The following TFCP2L1 variants were observed in gnomAD, a reference collection of about 807,000 sequenced individuals.
The protein encoded by TFCP2L1 is transcription factor CP2-like protein 1.
Under a neutral mutation model 72.2 loss-of-function variants are expected in TFCP2L1, and 12 were observed. The ratio of observed to expected loss-of-function variants is 0.17; its 90% confidence interval spans 0.11 to 0.27. The LOEUF is 0.27. Among genes scored for constraint, TFCP2L1 ranks in the 10% least tolerant of loss-of-function variants. TFCP2L1 has a pLI of 1.00. For missense variants in TFCP2L1, 488 were observed against 624.6 expected, an observed-to-expected ratio of 0.78 and a Z score of 2.33; for synonymous variants, 260 against 251.0, an observed-to-expected ratio of 1.04 and a Z score of -0.34.
rs111304072 is a variant in TFCP2L1 at position 121,230,089 on chromosome 2, C to G, written c.1341+1737G>C. Among the ~76,000 whole-genome samples, 120 of 152,292 alleles carry G rather than the reference C, an allele frequency of 7.9e-4. 3 individuals carry two copies. The South Asian group carries it at 0.011, about 13-fold the overall frequency. Reference sequence around the variant, plus strand: ...GGCCTTCAGAATTCCCAGAAGGGCTCGGGGTCTGCTGGGGGCTGAACTGGG... The same window carrying G: ...GGCCTTCAGAATTCCCAGAAGGGCTGGGGGTCTGCTGGGGGCTGAACTGGG... On this transcript the variant is annotated intron_variant, in intron 13 of 14. Coordinates refer to ENST00000263707, the MANE Select transcript of TFCP2L1 (RefSeq NM_014553.3).
At chr2:121,241,221 C>G (rs1686360722) in intron 7 of TFCP2L1, among the ~76,000 whole-genome samples, 1 of 152,200 alleles carries the variant, frequency 6.6e-6, no homozygotes. Context: ...AGGTTAGGTG[C>G]AGTGGCTCAC....
chr2:121,249,882 T>C (rs558021020), intron 2 of TFCP2L1, among the ~76,000 whole-genome samples: 5 of 152,296 alleles, frequency 3.3e-5, no homozygotes, highest in African/African-American at 7.2e-5. Flanking sequence ...GTGACCCTAC[T>C]AGAGATAGCA....
intron 8 of TFCP2L1, among the ~76,000 whole-genome samples, chr2:121,238,420 G>A (rs1290046465): frequency 6.6e-6 from 1 of 152,190 alleles, no homozygotes; most frequent in African/African-American, 2.4e-5. Flanking sequence ...TTCCTCGGGG[G>A]CCAGGTTGGG....
intron 10 of TFCP2L1, among the ~76,000 whole-genome samples, chr2:121,237,008 C>T (rs1428667392): frequency 6.6e-6 from 1 of 152,246 alleles, no homozygotes; most frequent in Non-Finnish European, 1.5e-5. Context: ...CGTTTCTCTT[C>T]CACTGCCACA....
intron 2 of TFCP2L1, among the ~76,000 whole-genome samples, 199 bp downstream of exon 2, chr2:121,280,921 T>C (rs1195427031): frequency 6.6e-6 from 1 of 152,102 alleles, no homozygotes; most frequent in African/African-American, 2.4e-5. Context: ...ATGTTTCCAT[T>C]TTTCAGATGA....
intron 2 of TFCP2L1, among the ~76,000 whole-genome samples, chr2:121,266,098 T>A (rs2104739943): frequency 6.6e-6 from 1 of 152,086 alleles, no homozygotes; most frequent in Non-Finnish European, 1.5e-5. Flanking sequence ...ACTCCTGGGC[T>A]CAAGTGATCT....
At chr2:121,251,061 A>C (rs1486618906) in intron 2 of TFCP2L1, among the ~76,000 whole-genome samples, 2 of 151,800 alleles carry the variant, frequency 1.3e-5, no homozygotes, top group African/African-American at 4.8e-5. Flanking sequence ...GGAGTTCGAG[A>C]CCAGCCTGAC....
intron 2 of TFCP2L1, among the ~76,000 whole-genome samples, chr2:121,256,999 T>C (rs1442194844): frequency 6.6e-6 from 1 of 151,742 alleles, no homozygotes; most frequent in Admixed American, 6.6e-5. Context: ...CAGCAGGAGG[T>C]AGAACCATAC....
chr2:121,246,225 T>C (rs551098311), intron 6 of TFCP2L1, among the ~76,000 whole-genome samples: 65 of 152,336 alleles, frequency 4.3e-4, no homozygotes, highest in African/African-American at 1.5e-3. Flanking sequence ...AGCTCTATCG[T>C]TGGCTACTAT....
chr2:121,281,351 G>GC, intron 1 of TFCP2L1, 80 bp from the exon 2 acceptor site: 1 of 1,483,336 alleles, frequency 6.7e-7, no homozygotes, highest in South Asian at 1.3e-5. Context: ...CTAGAGAGAC[G>GC]ACGCAGACCA....
chr2:121,235,438 A>C (rs1332103447), intron 10 of TFCP2L1, 127 bp from the exon 11 acceptor site: 2 of 912,740 alleles, frequency 2.2e-6, no homozygotes, highest in Admixed American at 2.2e-5. Context: ...ACTATCTCAC[A>C]GAGAGAAAAT....
intron 7 of TFCP2L1, chr2:121,240,705 G>A: frequency 2.0e-6 from 2 of 985,360 alleles, no homozygotes; most frequent in Non-Finnish European, 2.4e-6. Context: ...GGGAGAGAAT[G>A]GTATCAGGAG....
intron 2 of TFCP2L1, among the ~76,000 whole-genome samples, chr2:121,257,933 C>A (rs74976233): frequency 0.038 from 5,737 of 152,160 alleles, 171 homozygotes; most frequent in East Asian, 0.14. Context: ...CTCTGAGAAC[C>A]GGCCCGCCAC....
At chr2:121,259,110 G>A (rs1020722749) in intron 2 of TFCP2L1, among the ~76,000 whole-genome samples, 9 of 152,064 alleles carry the variant, frequency 5.9e-5, no homozygotes, top group African/African-American at 1.2e-4. Flanking sequence ...AGCCGGATGC[G>A]GTGGCTAATC....
intron 14 of TFCP2L1, among the ~76,000 whole-genome samples, chr2:121,224,982 CAA>C (rs34800606): frequency 9.3e-4 from 103 of 110,764 alleles, no homozygotes; most frequent in Admixed American, 9.7e-4. Flanking sequence ...AAGACTCCAT[CAA>C]AAAAAAAAAA....
intron 2 of TFCP2L1, among the ~76,000 whole-genome samples, chr2:121,254,789 C>T (rs1478715090): frequency 6.7e-6 from 1 of 149,018 alleles, no homozygotes; most frequent in Non-Finnish European, 1.5e-5. Flanking sequence ...GGGGAGAGAG[C>T]GAGACTCCGT....
intron 2 of TFCP2L1, among the ~76,000 whole-genome samples, chr2:121,265,340 G>A (rs760685420): frequency 7.2e-5 from 11 of 152,292 alleles, no homozygotes; most frequent in Middle Eastern, 3.4e-3. Context: ...ATGAGTGCTA[G>A]GGGTACAGGA....
At position 121,218,474 on chromosome 2, in the gene TFCP2L1, T is replaced by C. The variant is rs1159644016; in HGVS notation, c.*5867A>G. ...GAGGGGTGCGGAGCTGAGGATGTTG[T>C]TCTCTTTGATGAAGGCCTGAAAACT... On this transcript the variant is annotated 3_prime_UTR_variant, in exon 15 of 15. Coordinates refer to ENST00000263707, the MANE Select transcript of TFCP2L1 (RefSeq NM_014553.3). The C allele has an allele frequency of 6.6e-6, 1 of 152,466 alleles. No homozygotes were observed. The highest frequency in any genetic ancestry group is 1.5e-5 in the Non-Finnish European group (1 of 68,264). The allele number at this position is 152,466 out of a possible 1,614,324, so 9.4% of individuals were successfully genotyped here.
chr2:121,247,306 G>A (rs1050884348), intron 5 of TFCP2L1, among the ~76,000 whole-genome samples: 15 of 152,090 alleles, frequency 9.9e-5, no homozygotes, highest in Non-Finnish European at 1.9e-4. Flanking sequence ...ATCCTAGACT[G>A]AGGGCAGGGA....
Sources: allele counts gnomAD v4.1 joint callset (sites outside exome capture counted in the v4.1 genomes callset), GRCh38; gene constraint gnomAD v4.1.1; transcripts MANE v1.5; gene names NCBI Gene and HGNC (gene_info 2026-07-23, HGNC 2026-07-21).